COL23A1: variants seen among roughly 807,000 people sequenced by gnomAD.
COL23A1 encodes the protein collagen type XXIII alpha 1 chain.
Under a neutral mutation model 99.3 loss-of-function variants are expected in COL23A1, and 97 were observed. That is an observed-to-expected ratio of 0.98 (90% CI 0.83 to 1.16). The LOEUF is 1.16. COL23A1 is among the 50% of genes most tolerant of loss of function. The pLI is 0.00. For missense variants in COL23A1, 762 were observed against 757.4 expected (o/e 1.01, Z -0.07); for synonymous variants, 320 against 308.2 (o/e 1.04, Z -0.40).
intron 3 of COL23A1, among the ~76,000 whole-genome samples, chr5:178,304,491 C>CA (rs1347560718): frequency 8.7e-6 from 1 of 114,586 alleles, no homozygotes; most frequent in Non-Finnish European, 1.6e-5. Flanking sequence ...GCCTGAGTGA[C>CA]AGAGCGACTG....
At chr5:178,390,329 G>A (rs998085906) in intron 2 of COL23A1, among the ~76,000 whole-genome samples, 1 of 152,238 alleles carries the variant, frequency 6.6e-6, no homozygotes, top group African/African-American at 2.4e-5. Flanking sequence ...ACTGGCTGGA[G>A]GAGGACAGCA....
At chr5:178,583,837 A>C (rs371181002) in intron 1 of COL23A1, among the ~76,000 whole-genome samples, 6 of 152,288 alleles carry the variant, frequency 3.9e-5, no homozygotes, top group South Asian at 4.1e-4. Context: ...CCGTTACTCA[A>C]GCTAATTAAT....
intron 2 of COL23A1, among the ~76,000 whole-genome samples, chr5:178,507,999 TTCTC>T (rs1758973761): frequency 7.3e-6 from 1 of 137,892 alleles, no homozygotes; most frequent in Admixed American, 8.0e-5. Flanking sequence ...TGAGGCTCCG[TTCTC>T]TCTTTTTATT....
intron 2 of COL23A1, among the ~76,000 whole-genome samples, chr5:178,511,052 AC>A (rs1333897116): frequency 1.3e-5 from 2 of 152,246 alleles, no homozygotes; most frequent in African/African-American, 2.4e-5. Flanking sequence ...AAAGGAAGGA[AC>A]TAGAAATTAT....
chr5:178,460,638 G>C (rs1756068836), intron 2 of COL23A1, among the ~76,000 whole-genome samples: 1 of 152,152 alleles, frequency 6.6e-6, no homozygotes, highest in Non-Finnish European at 1.5e-5. Context: ...TGCTTTCCAT[G>C]CAGTCTGACA....
chr5:178,242,141 G>A lies in COL23A1; in HGVS notation c.1495-13C>T. The A allele has an allele frequency of 6.5e-7, 1 of 1,549,262 alleles. No individual in the cohort carries two copies. Among genetic ancestry groups the A allele is most frequent in the Non-Finnish European group, 8.7e-7 (1 of 1,145,196 alleles). ...CCCCTCGTTCTCCCTGTGCAGGAGGGGAGATGGTGGTATTGGTCATGGCTG... is the reference window on the plus strand; with the variant it reads ...CCCCTCGTTCTCCCTGTGCAGGAGGAGAGATGGTGGTATTGGTCATGGCTG... On this transcript the variant is annotated splice_polypyrimidine_tract_variant and intron_variant, in intron 26 of 28. Transcript: ENST00000390654.
intron 2 of COL23A1, among the ~76,000 whole-genome samples, chr5:178,407,578 A>T (rs970721965): frequency 6.0e-5 from 9 of 151,010 alleles, no homozygotes; most frequent in African/African-American, 2.2e-4. Context: ...TCAGTGAGCA[A>T]TTATGAACAC....
intron 2 of COL23A1, among the ~76,000 whole-genome samples, chr5:178,523,923 A>G (rs559540789): frequency 6.6e-6 from 1 of 152,164 alleles, no homozygotes; most frequent in South Asian, 2.1e-4. Context: ...TGCAACCACT[A>G]TTTCCTGAGA....
intron 2 of COL23A1, among the ~76,000 whole-genome samples, chr5:178,371,111 G>GT (rs150968454): frequency 0.011 from 1,736 of 152,346 alleles, 27 homozygotes; most frequent in African/African-American, 0.04. Context: ...ATGTAGACAT[G>GT]TATCAGAAAC....
chr5:178,365,136 C>CGTGTGTGTGT lies in COL23A1; in HGVS notation c.362-58227_362-58218dup, dbSNP rs55995523. On this transcript the variant is annotated intron_variant, in intron 2 of 28. Transcript: ENST00000390654. This position sits in a 1 kb window ranked among gnomAD's most constrained non-coding sequence, Gnocchi z 5.2. The stretch of plus-strand genomic sequence containing the variant: ...GGGCTTTATGATGTTGCTGTGTGTG[C>CGTGTGTGTGT]GTGTGTGTGTGTGTGTGTGTGTGTG... Among the ~76,000 whole-genome samples, 9,438 of 147,834 alleles carry CGTGTGTGTGT rather than the reference C, an allele frequency of 0.064. 488 individuals are homozygous for CGTGTGTGTGT. The highest frequency in any genetic ancestry group is 0.3 in the East Asian group (1,435 of 4,854).
chr5:178,541,262 A>G (rs1027338160), intron 2 of COL23A1, among the ~76,000 whole-genome samples: 5 of 152,224 alleles, frequency 3.3e-5, no homozygotes, highest in African/African-American at 7.2e-5. Context: ...GGAATTGTCA[A>G]ACACACTGGG....
At chr5:178,545,702 G>A (rs1309124331) in intron 2 of COL23A1, among the ~76,000 whole-genome samples, 1 of 152,074 alleles carries the variant, frequency 6.6e-6, no homozygotes, top group African/African-American at 2.4e-5. Context: ...CAGGGATGAT[G>A]TGCTTTTCCA....
intron 1 of COL23A1, among the ~76,000 whole-genome samples, chr5:178,563,265 G>C: frequency 6.6e-6 from 1 of 152,098 alleles, no homozygotes; most frequent in Non-Finnish European, 1.5e-5. Flanking sequence ...GAGCTGCCCA[G>C]CTGTCCCACA....
At chr5:178,441,639 T>C (rs1561975151) in intron 2 of COL23A1, among the ~76,000 whole-genome samples, 1 of 152,054 alleles carries the variant, frequency 6.6e-6, no homozygotes, top group Non-Finnish European at 1.5e-5. Flanking sequence ...ACCCTGATGT[T>C]TGGAGAAAGA....
intron 2 of COL23A1, among the ~76,000 whole-genome samples, chr5:178,358,248 G>GTATGTGTGTGTATGTGTA (rs796141502): frequency 8.0e-6 from 1 of 125,614 alleles, no homozygotes; most frequent in East Asian, 2.4e-4. Context: ...GTATGTGTAT[G>GTATGTGTGTGTATGTGTA]TGTGTGTATG....
At chr5:178,554,073 C>T (rs1762145160) in intron 2 of COL23A1, among the ~76,000 whole-genome samples, 1 of 152,154 alleles carries the variant, frequency 6.6e-6, no homozygotes, top group Non-Finnish European at 1.5e-5. Flanking sequence ...TGTGAGGTCA[C>T]GGAGCCGGTG....
At chr5:178,333,894 A>T (rs1209044333) in intron 2 of COL23A1, among the ~76,000 whole-genome samples, 1 of 151,790 alleles carries the variant, frequency 6.6e-6, no homozygotes, top group East Asian at 1.9e-4. Context: ...CCAGACCTGG[A>T]CAGGGCCCGT....
At chr5:178,312,664 CCA>C (rs1758766097) in intron 2 of COL23A1, among the ~76,000 whole-genome samples, 1 of 151,944 alleles carries the variant, frequency 6.6e-6, no homozygotes, top group Non-Finnish European at 1.5e-5. Context: ...TGCAGCCACC[CCA>C]CCTCAGCCGC....
chr5:178,300,721 G>GTATTTACT (rs113438266), intron 3 of COL23A1, among the ~76,000 whole-genome samples: 1 of 145,738 alleles, frequency 6.9e-6, no homozygotes, highest in Admixed American at 6.8e-5. Context: ...GCTAGCTTTT[G>GTATTTACT]TATTTATTTA....
Sources: gnomAD v4.1 joint callset for allele counts (sites outside exome capture counted in the v4.1 genomes callset) on GRCh38, gnomAD v4.1.1 for gene constraint, Gnocchi (gnomAD v3.1) non-coding constraint, MANE v1.5 for transcripts, NCBI Gene and HGNC (gene_info 2026-07-23, HGNC 2026-07-21) for gene names.